Variants in RMDN2 observed in about 807,000 individuals in gnomAD.
RMDN2 encodes regulator of microtubule dynamics 2.
In RMDN2, 61 loss-of-function variants were observed where a neutral mutation model predicts 52.8. That is an observed-to-expected ratio of 1.16 (90% CI 0.94 to 1.43). RMDN2 has a LOEUF of 1.43. Among genes scored for constraint, RMDN2 ranks in the 40% most tolerant of loss-of-function variants. The pLI is 0.00. For synonymous variants in RMDN2, 180 were observed against 153.1 expected, an observed-to-expected ratio of 1.18 and a Z score of -1.30; for missense variants, 592 against 475.3, an observed-to-expected ratio of 1.25 and a Z score of -2.28.
chr2:38,016,248 G>A (rs1678766506), intron 10 of RMDN2, among the ~76,000 whole-genome samples: 1 of 152,172 alleles, frequency 6.6e-6, no homozygotes, highest in African/African-American at 2.4e-5. Context: ...CTAACAGCCT[G>A]TTATGTCCTC....
intron 1 of RMDN2, among the ~76,000 whole-genome samples, chr2:37,926,926 ACT>A (rs1474601914): frequency 2.9e-5 from 4 of 139,210 alleles, no homozygotes; most frequent in Non-Finnish European, 1.6e-5. Flanking sequence ...ACAGAGCGAG[ACT>A]CTAAAAAAAA....
chr2:38,017,359 A>G lies in RMDN2; in HGVS notation c.*120A>G. 2.9e-6 allele frequency: 4 copies of G among 1,401,264 alleles called. No homozygotes were observed. The highest frequency in any genetic ancestry group is 3.7e-6 in the Non-Finnish European group (4 of 1,072,282). The allele number at this position is 1,401,264 out of a possible 1,614,324, so 86.8% of individuals were successfully genotyped here. ...GGGTATTGTGCTTAGATTTGAAGGTAAAGCCATGTTTCTGCAGAATGCATT... is the reference window on the plus strand; with the variant it reads ...GGGTATTGTGCTTAGATTTGAAGGTGAAGCCATGTTTCTGCAGAATGCATT... On this transcript the variant is annotated 3_prime_UTR_variant, in exon 11 of 11. Transcript: ENST00000354545.
intron 4 of RMDN2, among the ~76,000 whole-genome samples, chr2:37,980,767 C>A (rs1168117157): frequency 6.6e-6 from 1 of 151,982 alleles, no homozygotes; most frequent in South Asian, 2.1e-4. Context: ...GTTACCCACT[C>A]TGCTGTGCCC....
chr2:37,990,918 T>A (rs150038512), intron 6 of RMDN2, among the ~76,000 whole-genome samples: 3 of 152,208 alleles, frequency 2.0e-5, no homozygotes, highest in African/African-American at 7.2e-5. Flanking sequence ...AATCAGTAAC[T>A]ATTCACTAGT....
At position 37,947,166 on chromosome 2, in the gene RMDN2, C is replaced by G. The variant is rs187986947; in HGVS notation, c.452+17437C>G. Among the ~76,000 whole-genome samples the G allele has an allele frequency of 3.3e-3, 506 of 151,952 alleles. 2 individuals are homozygous for G. Among genetic ancestry groups the G allele is most frequent in the Middle Eastern group, 0.017 (5 of 294 alleles). ...TATCACCCAAATAGTGTACATTGTA[C>G]CTGTTAGGTAGTTTCTCATCCCTCA... is the stretch of plus-strand genomic sequence containing the variant. On this transcript the variant is annotated intron_variant, in intron 2 of 10. Transcript: ENST00000354545.
At chr2:37,993,833 T>G (rs1675151333) in intron 7 of RMDN2, among the ~76,000 whole-genome samples, 1 of 152,164 alleles carries the variant, frequency 6.6e-6, no homozygotes, top group Non-Finnish European at 1.5e-5. Context: ...AAATTCATTT[T>G]CAGCCTTAAC....
chr2:38,007,812 A>G (rs1157670731), intron 10 of RMDN2, among the ~76,000 whole-genome samples: 1 of 151,900 alleles, frequency 6.6e-6, no homozygotes, highest in African/African-American at 2.4e-5. Flanking sequence ...TGTCAATCTT[A>G]GATCTTTCCT....
chr2:37,952,482 G>A, intron 2 of RMDN2: 1 of 475,658 alleles, frequency 2.1e-6, no homozygotes, highest in Non-Finnish European at 3.7e-6. Context: ...ATTTCTGAGT[G>A]ACTATTATAA....
intron 5 of RMDN2, among the ~76,000 whole-genome samples, chr2:37,989,114 G>C (rs879665363): frequency 1.8e-4 from 28 of 152,240 alleles, no homozygotes; most frequent in Middle Eastern, 6.8e-3. Context: ...TTTTTAAGTT[G>C]ACTTTAACAG....
At chr2:38,016,737 A>G (rs937513024) in intron 10 of RMDN2, among the ~76,000 whole-genome samples, 1 of 152,006 alleles carries the variant, frequency 6.6e-6, no homozygotes, top group Non-Finnish European at 1.5e-5. Context: ...TAAACCCTAC[A>G]CCCTTCAGGC....
intron 2 of RMDN2, among the ~76,000 whole-genome samples, chr2:37,942,704 G>A (rs1188407965): frequency 1.3e-5 from 2 of 152,024 alleles, no homozygotes; most frequent in African/African-American, 2.4e-5. Context: ...TTGCCATTTA[G>A]TCCTCTCCTA....
chr2:37,963,236 G>A (rs964609500), intron 2 of RMDN2: 13 of 151,570 alleles, frequency 8.6e-5, no homozygotes, highest in African/African-American at 2.9e-4. Context: ...GTTAATAGTT[G>A]GCAGTTAAGC....
chr2:38,008,445 C>G (rs1016014222), intron 10 of RMDN2, among the ~76,000 whole-genome samples: 1 of 152,158 alleles, frequency 6.6e-6, no homozygotes, highest in African/African-American at 2.4e-5. Context: ...GAATTGATCC[C>G]TTTACCATTA....
intron 2 of RMDN2, chr2:37,952,469 C>T: frequency 6.3e-6 from 3 of 477,512 alleles, no homozygotes; most frequent in Non-Finnish European, 1.1e-5. Context: ...GGGCTAATCT[C>T]AGATTTCTGA....
rs71400335 is a variant in RMDN2, at chr2:37,990,142, GAA to G, written c.867+545_867+546del. 4.9e-3 allele frequency among the ~76,000 whole-genome samples: 83 copies of G among 16,834 alleles called. 1 individual carries two copies. The African/African-American group carries it at 0.058, about 12-fold the overall frequency. 11.0% of individuals were successfully genotyped at this position (16,834 alleles called of 152,430 possible). On this transcript the variant is annotated intron_variant, in intron 6 of 10. Coordinates refer to ENST00000354545, the MANE Select transcript of RMDN2 (RefSeq NM_001170791.3). ...TGGGTGACAGAGTGAGACTCCGTCT[GAA>G]AAAAAAAAAAAAAAAAAATTATTAT...
downstream of RMDN2, among the ~76,000 whole-genome samples, chr2:38,021,988 G>T (rs1007870416): frequency 3.9e-5 from 6 of 152,308 alleles, 1 homozygote; most frequent in Admixed American, 6.5e-5. Context: ...TCCAGTGAGG[G>T]AGGTGTTCTT....
At chr2:38,049,008 T>G (rs1159156445) in intron 10 of RMDN2, among the ~76,000 whole-genome samples, 1 of 152,254 alleles carries the variant, frequency 6.6e-6, no homozygotes, top group Non-Finnish European at 1.5e-5. Flanking sequence ...AAATTAAACT[T>G]AGCCAATGCT....
chr2:38,033,036 A>C (rs1319342588), intron 10 of RMDN2: 2 of 152,152 alleles, frequency 1.3e-5, no homozygotes, highest in Non-Finnish European at 2.9e-5. Context: ...TGAGAATTTC[A>C]GTTGCTCCAT....
chr2:37,967,147 G>T (rs1372187706), intron 2 of RMDN2, among the ~76,000 whole-genome samples: 1 of 152,096 alleles, frequency 6.6e-6, no homozygotes, highest in Non-Finnish European at 1.5e-5. Flanking sequence ...AATGAATTTT[G>T]TTTGTGTCCT....
Sources: allele counts gnomAD v4.1 joint callset (sites outside exome capture counted in the v4.1 genomes callset), GRCh38; gene constraint gnomAD v4.1.1; transcripts MANE v1.5; gene names NCBI Gene and HGNC (gene_info 2026-07-23, HGNC 2026-07-21).